PCDH15: variants seen among roughly 807,000 people sequenced by gnomAD.
PCDH15 encodes protocadherin-15.
PCDH15 carries 129 observed loss-of-function variants against 178.5 expected under a neutral mutation model. That is an observed-to-expected ratio of 0.72 (90% CI 0.63 to 0.84). The LOEUF is 0.84. Among genes scored for constraint, PCDH15 ranks in the 40% least tolerant of loss-of-function variants. The pLI, the probability that PCDH15 is intolerant of heterozygous loss-of-function variation, is 0.00. For synonymous variants in PCDH15, 800 were observed against 732.0 expected, an observed-to-expected ratio of 1.09 and a Z score of -1.50; for missense variants, 2,230 against 2,099.9, an observed-to-expected ratio of 1.06 and a Z score of -1.21.
At chr10:53,903,183 G>A in intron 26 of PCDH15, 60 bp downstream of exon 26, 6 of 1,596,118 alleles carry the variant, frequency 3.8e-6, no homozygotes, top group Non-Finnish European at 5.1e-6. Flanking sequence ...CAGGCTTACA[G>A]CTTATCTGCA....
chr10:53,840,140 A>C (rs561788404), intron 29 of PCDH15, among the ~76,000 whole-genome samples, 180 bp downstream of exon 29: 2 of 151,308 alleles, frequency 1.3e-5, no homozygotes, highest in African/African-American at 4.9e-5. Context: ...TGTAGCCCAC[A>C]CTTAGACCTG....
chr10:55,439,622 C>A, intron 2 of PCDH15, among the ~76,000 whole-genome samples: 1 of 150,764 alleles, frequency 6.6e-6, no homozygotes, highest in East Asian at 2.0e-4. Flanking sequence ...ATGAAAACCG[C>A]AATTACTTTT....
At chr10:54,625,649 C>A (rs2134555189) in intron 2 of PCDH15, among the ~76,000 whole-genome samples, 1 of 152,314 alleles carries the variant, frequency 6.6e-6, no homozygotes, top group African/African-American at 2.4e-5. Flanking sequence ...TCCCCAGCCA[C>A]ATGGAACTGC....
intron 2 of PCDH15, among the ~76,000 whole-genome samples, chr10:55,602,119 G>T (rs375958398): frequency 6.6e-6 from 1 of 152,122 alleles, no homozygotes; most frequent in Non-Finnish European, 1.5e-5. Flanking sequence ...TCAAGGAAAG[G>T]GGTGACAGAC....
chr10:55,348,100 C>T (rs1844812102), intron 2 of PCDH15, among the ~76,000 whole-genome samples: 1 of 152,042 alleles, frequency 6.6e-6, no homozygotes. Flanking sequence ...GGCCCACATG[C>T]TGTACTAGAA....
chr10:54,137,708 G>A (rs528035243), intron 14 of PCDH15, among the ~76,000 whole-genome samples: 41 of 152,292 alleles, frequency 2.7e-4, no homozygotes, highest in African/African-American at 9.6e-4. Flanking sequence ...GTCAGTCAGT[G>A]AGTTGGATTT....
At position 54,861,202 on chromosome 10, in the gene PCDH15, G is replaced by C. The variant is rs1423738994; in HGVS notation, c.-29+36248C>G. On this transcript the variant is annotated intron_variant, in intron 3 of 5. Transcript: ENST00000458638. ...AACATATCTACAGAATCAAAGTAAAGGCAGATGCATTGATAGACTGCTAGC... is the reference window on the plus strand; with the variant it reads ...AACATATCTACAGAATCAAAGTAAACGCAGATGCATTGATAGACTGCTAGC... Among the ~76,000 whole-genome samples the C allele has an allele frequency of 1.3e-5, 2 of 151,916 alleles. 1 individual carries two copies. The highest frequency in any genetic ancestry group is 4.8e-5 in the African/African-American group (2 of 41,374).
chr10:55,086,267 GA>G (rs1450269837), intron 2 of PCDH15, among the ~76,000 whole-genome samples: 8 of 151,850 alleles, frequency 5.3e-5, no homozygotes, highest in African/African-American at 1.7e-4. Flanking sequence ...ATTTTTAGAT[GA>G]AAACTATATT....
At chr10:54,133,120 A>G (rs111227246) in intron 14 of PCDH15, 113 bp from the exon 15 acceptor site, 10 of 1,256,370 alleles carry the variant, frequency 8.0e-6, no homozygotes, top group Non-Finnish European at 1.1e-5. Context: ...TCCAAATTTT[A>G]TGAAAAATAA....
At chr10:55,356,611 A>T (rs958483537) in intron 2 of PCDH15, among the ~76,000 whole-genome samples, 5 of 151,938 alleles carry the variant, frequency 3.3e-5, no homozygotes, top group Non-Finnish European at 7.4e-5. Context: ...ACTCATTTTT[A>T]AAAATATTTA....
At chr10:54,161,138 T>A (rs149710580) in intron 13 of PCDH15, among the ~76,000 whole-genome samples, 46 of 152,276 alleles carry the variant, frequency 3.0e-4, no homozygotes, top group Admixed American at 1.2e-3. Flanking sequence ...TGGAAACAAC[T>A]GAAATGCCCA....
At chr10:55,292,675 C>T (rs1007833998) in intron 1 of PCDH15, among the ~76,000 whole-genome samples, 2 of 152,192 alleles carry the variant, frequency 1.3e-5, no homozygotes, top group Non-Finnish European at 2.9e-5. Flanking sequence ...AGCCACCACA[C>T]CCGTCCCAGG....
chr10:54,588,385 T>C (rs1051509909), intron 2 of PCDH15, among the ~76,000 whole-genome samples: 1 of 152,180 alleles, frequency 6.6e-6, no homozygotes, highest in Non-Finnish European at 1.5e-5. Context: ...TAAAACTACA[T>C]TTTTCACTTA....
intron 2 of PCDH15, among the ~76,000 whole-genome samples, chr10:55,405,862 G>A (rs932628431): frequency 6.6e-6 from 1 of 151,504 alleles, no homozygotes; most frequent in Non-Finnish European, 1.5e-5. Context: ...TATTTTTAAT[G>A]TTAGAAGCTT....
In PCDH15 at chr10:53,857,192, C is replaced by CT; in HGVS notation, c.3788dup (p.Ile1264AspfsTer44). 1.9e-6 allele frequency: 3 copies of CT among 1,602,956 alleles called. No individual in the cohort carries two copies. The highest frequency in any genetic ancestry group is 1.1e-5 in the South Asian group (1 of 90,704). On this transcript the variant is annotated frameshift_variant, in exon 28 of 38. Coordinates refer to ENST00000644397, the MANE Select transcript of PCDH15 (RefSeq NM_001384140.1). LOFTEE classifies it high-confidence loss of function. ...TCAATTACTCTGTAAGATCTTCTATCTTTTTTTCCACTAGAGTAGGAGGCA... is the reference window on the plus strand; with the variant it reads ...TCAATTACTCTGTAAGATCTTCTATCTTTTTTTTCCACTAGAGTAGGAGGCA...
intron 3 of PCDH15, among the ~76,000 whole-genome samples, chr10:54,851,949 A>G (rs1277185848): frequency 6.6e-6 from 1 of 152,182 alleles, no homozygotes; most frequent in African/African-American, 2.4e-5. Flanking sequence ...AAACTGGTAA[A>G]TTGGCCACTT....
chr10:54,165,778 C>G (rs2133514901), intron 13 of PCDH15, among the ~76,000 whole-genome samples: 1 of 152,260 alleles, frequency 6.6e-6, no homozygotes, highest in East Asian at 1.9e-4. Flanking sequence ...AGGTAGCCAT[C>G]TTAAATTAAT....
chr10:55,201,177 G>T (rs1468428723), intron 1 of PCDH15, among the ~76,000 whole-genome samples: 1 of 152,144 alleles, frequency 6.6e-6, no homozygotes, highest in East Asian at 1.9e-4. Context: ...TACACTGATA[G>T]AATATAAGGC....
intron 2 of PCDH15, among the ~76,000 whole-genome samples, chr10:55,456,872 G>C (rs1839565771): frequency 6.6e-6 from 1 of 152,010 alleles, no homozygotes; most frequent in African/African-American, 2.4e-5. Context: ...GCAGTAACTG[G>C]TAATTAGTAT....
Sources: allele counts gnomAD v4.1 joint callset (sites outside exome capture counted in the v4.1 genomes callset), GRCh38; gene constraint gnomAD v4.1.1; transcripts MANE v1.5; gene names NCBI Gene and HGNC (gene_info 2026-07-23, HGNC 2026-07-21).